NFIB: variants seen among roughly 807,000 people sequenced by gnomAD.
The protein encoded by NFIB is nuclear factor 1 B-type.
A neutral mutation model predicts 61.5 loss-of-function variants in NFIB; 11 were observed. That is an observed-to-expected ratio of 0.18 (90% CI 0.11 to 0.30). NFIB has a LOEUF of 0.30. Ranked by LOEUF, NFIB falls within the 10% of genes least tolerant of loss-of-function variation. The pLI, the probability that NFIB is intolerant of heterozygous loss-of-function variation, is 1.00. For missense variants in NFIB, 471 were observed against 608.9 expected (o/e 0.77, Z 2.38); for synonymous variants, 260 against 216.5 (o/e 1.20, Z -1.76).
intron 1 of NFIB, among the ~76,000 whole-genome samples, chr9:14,374,871 C>T (rs904024502): frequency 1.3e-5 from 2 of 152,080 alleles, no homozygotes; most frequent in African/African-American, 4.8e-5. Context: ...GATTGCGCCA[C>T]TGCACTCCAG....
intron 2 of NFIB, among the ~76,000 whole-genome samples, chr9:14,266,558 G>A (rs1250296191): frequency 2.6e-5 from 4 of 151,818 alleles, no homozygotes; most frequent in African/African-American, 4.8e-5. Flanking sequence ...TCTTGTCTCT[G>A]TACTCCAGCC....
intron 3 of NFIB, among the ~76,000 whole-genome samples, chr9:14,175,162 A>ACTTT (rs2046023690): frequency 1.5e-5 from 1 of 66,822 alleles, no homozygotes; most frequent in Non-Finnish European, 3.5e-5. Context: ...TGACTTAAAG[A>ACTTT]ATTTCTTTTT....
At chr9:14,294,239 A>G (rs1287835023) in intron 2 of NFIB, among the ~76,000 whole-genome samples, 1 of 152,212 alleles carries the variant, frequency 6.6e-6, no homozygotes, top group East Asian at 1.9e-4. Context: ...GAGACTGTAA[A>G]TAGAACAGAA....
intron 2 of NFIB, among the ~76,000 whole-genome samples, chr9:14,248,912 A>G (rs1175558790): frequency 6.6e-6 from 1 of 152,220 alleles, no homozygotes; most frequent in East Asian, 1.9e-4. Context: ...TGGCATAGGA[A>G]GAGAATCAGA....
intron 1 of NFIB, among the ~76,000 whole-genome samples, chr9:14,369,932 G>T (rs2132967392): frequency 6.6e-6 from 1 of 152,220 alleles, no homozygotes; most frequent in East Asian, 1.9e-4. Flanking sequence ...TGAAAACTTT[G>T]GGGGCTATCT....
At chr9:14,509,159 A>G in the NFIB span, among the ~76,000 whole-genome samples, 2 of 152,340 alleles carry the variant, frequency 1.3e-5, no homozygotes, top group South Asian at 4.1e-4. Flanking sequence ...AGCAAAACAG[A>G]CCAAAATCCC....
chr9:14,206,451 G>C (rs1010720490), intron 2 of NFIB, among the ~76,000 whole-genome samples: 9 of 152,028 alleles, frequency 5.9e-5, no homozygotes, highest in South Asian at 4.2e-4. Flanking sequence ...TTACAGGTGT[G>C]AGCCAAGCAC....
intron 2 of NFIB, among the ~76,000 whole-genome samples, chr9:14,273,345 G>A (rs528749718): frequency 1.3e-5 from 2 of 152,238 alleles, no homozygotes; most frequent in African/African-American, 2.4e-5. Flanking sequence ...TGGAAGACTC[G>A]GGGCTGTGGG....
intron 2 of NFIB, among the ~76,000 whole-genome samples, chr9:14,252,994 G>T (rs762617480): frequency 6.6e-6 from 1 of 151,952 alleles, no homozygotes; most frequent in Non-Finnish European, 1.5e-5. Context: ...AGGGAAGGCA[G>T]GTTGGTTTCT....
In NFIB at chr9:14,161,728, G is replaced by C. The variant is rs1238811241; in HGVS notation, c.617-5835C>G. Among the ~76,000 whole-genome samples, 4 of 152,226 alleles carry C rather than the reference G, an allele frequency of 2.6e-5. No homozygotes were observed. In the South Asian group the frequency reaches 8.3e-4, roughly 32 times the overall value. ...TAAAATATAATAAACAAATAGCACT[G>C]TAATTAACATCCTCATACACAAATC... On this transcript the variant is annotated intron_variant, in intron 3 of 10. Coordinates refer to ENST00000380953, the MANE Select transcript of NFIB (RefSeq NM_001190737.2).
In NFIB at chr9:14,085,742, C is replaced by T. The variant is rs1031622273; in HGVS notation, c.*2567G>A. The T allele has an allele frequency of 9.1e-6, 2 of 219,220 alleles. No homozygotes were observed. Among genetic ancestry groups the T allele is most frequent in the African/African-American group, 4.5e-5 (2 of 44,472 alleles). 13.6% of individuals were successfully genotyped at this position (219,220 alleles called of 1,614,324 possible). The stretch of plus-strand genomic sequence containing the variant: ...CTGCCATCCATTTGAAGTAGTAAGT[C>T]ACAGGTAAATCATATCCTATCATTA... On this transcript the variant is annotated 3_prime_UTR_variant, in exon 11 of 11. Coordinates refer to ENST00000380953, the MANE Select transcript of NFIB (RefSeq NM_001190737.2).
chr9:14,502,836 G>A, the NFIB span, among the ~76,000 whole-genome samples: 6 of 152,104 alleles, frequency 3.9e-5, no homozygotes, highest in Admixed American at 2.6e-4. Context: ...CCCATCACCT[G>A]AGCAGTGTAC....
chr9:14,398,528 A>C (rs2061710345), exon 1 of NFIB: 2 of 1,532,440 alleles, frequency 1.3e-6, no homozygotes, highest in Non-Finnish European at 1.7e-6. Flanking sequence ...ACTCACAGAA[A>C]ATCCAAAGCA....
At position 14,292,960 on chromosome 9, in the gene NFIB, TAAAAG is replaced by T. The variant is rs529974783; in HGVS notation, c.562+14024_562+14028del. Reference sequence around the variant, plus strand: ...TCCCCTACAAAACAAAAACTGAAATTAAAAGAAAGAATAGAGTAAATCTAAATTGT... The same window carrying T: ...TCCCCTACAAAACAAAAACTGAAATTAAAGAATAGAGTAAATCTAAATTGT... On this transcript the variant is annotated intron_variant, in intron 2 of 10. Coordinates refer to ENST00000380953, the MANE Select transcript of NFIB (RefSeq NM_001190737.2). Among the ~76,000 whole-genome samples, 375 of 152,250 alleles carry T rather than the reference TAAAAG, an allele frequency of 2.5e-3. 1 individual carries two copies. The highest frequency in any genetic ancestry group is 0.01 in the Middle Eastern group (3 of 294).
At chr9:14,481,199 AT>A in the NFIB span, among the ~76,000 whole-genome samples, 1 of 18,260 alleles carries the variant, frequency 5.5e-5, no homozygotes, top group African/African-American at 3.2e-4. Context: ...GTGTGTGTGT[AT>A]ATATATATAT....
the NFIB span, among the ~76,000 whole-genome samples, chr9:14,460,728 C>G: frequency 2.0e-5 from 3 of 151,994 alleles, no homozygotes; most frequent in Non-Finnish European, 4.4e-5. Flanking sequence ...TTAGAGTGAA[C>G]TTTCTAAAAC....
intron 7 of NFIB, among the ~76,000 whole-genome samples, chr9:14,124,042 C>T (rs923437917): frequency 6.6e-6 from 1 of 152,166 alleles, no homozygotes; most frequent in Non-Finnish European, 1.5e-5. Flanking sequence ...GCCCCACTCT[C>T]TCCCCACTAT....
At chr9:14,270,765 T>C (rs1452382793) in intron 2 of NFIB, among the ~76,000 whole-genome samples, 1 of 152,044 alleles carries the variant, frequency 6.6e-6, no homozygotes, top group Non-Finnish European at 1.5e-5. Flanking sequence ...AATTACATAT[T>C]GAGGTGACAG....
chr9:14,378,196 T>C (rs2061441799), intron 1 of NFIB, among the ~76,000 whole-genome samples: 2 of 152,250 alleles, frequency 1.3e-5, no homozygotes, highest in African/African-American at 4.8e-5. Flanking sequence ...TGCTTCAGAA[T>C]GGTATTATAA....
Sources: gnomAD v4.1 joint callset for allele counts (sites outside exome capture counted in the v4.1 genomes callset) on GRCh38, gnomAD v4.1.1 for gene constraint, MANE v1.5 for transcripts, NCBI Gene and HGNC (gene_info 2026-07-23, HGNC 2026-07-21) for gene names.